RFX4: variants seen among roughly 807,000 people sequenced by gnomAD.
RFX4 encodes transcription factor RFX4.
RFX4 carries 10 observed loss-of-function variants against 95.0 expected under a neutral mutation model. The observed-to-expected ratio is 0.11, with a 90% confidence interval of 0.06 to 0.18. The LOEUF (loss-of-function observed/expected upper bound fraction) is 0.18. RFX4 is among the 10% of genes least tolerant of loss of function. The pLI is 1.00. For missense variants in RFX4, 640 were observed against 922.0 expected, an observed-to-expected ratio of 0.69 and a Z score of 3.96; for synonymous variants, 321 against 340.7, an observed-to-expected ratio of 0.94 and a Z score of 0.64.
chr12:106,621,821 G>C (rs185794546), intron 2 of RFX4, among the ~76,000 whole-genome samples: 164 of 152,030 alleles, frequency 1.1e-3, no homozygotes, highest in African/African-American at 3.9e-3. Context: ...AAGATCTTTG[G>C]AAAGATCTTG....
intron 7 of RFX4, among the ~76,000 whole-genome samples, chr12:106,694,307 G>A (rs2041838072): frequency 6.6e-6 from 1 of 152,198 alleles, no homozygotes; most frequent in Non-Finnish European, 1.5e-5. Context: ...GTCCAGGCAG[G>A]CTGTAGGCAT....
chr12:106,719,923 T>A (rs2042364842), intron 11 of RFX4, 37 bp from the exon 12 acceptor site: 1 of 1,491,130 alleles, frequency 6.7e-7, no homozygotes, highest in South Asian at 1.1e-5. Context: ...TAAATACAAC[T>A]GCAGTGATGC....
At chr12:106,745,650 C>G (rs952537930) in intron 15 of RFX4, among the ~76,000 whole-genome samples, 2 of 152,136 alleles carry the variant, frequency 1.3e-5, no homozygotes, top group South Asian at 4.1e-4. Flanking sequence ...AAATGAAAAC[C>G]TTTCCTTTAT....
intron 2 of RFX4, among the ~76,000 whole-genome samples, chr12:106,623,249 A>G (rs772576154): frequency 4.2e-5 from 6 of 143,336 alleles, no homozygotes; most frequent in East Asian, 4.4e-4. Flanking sequence ...GGTGGTCTCA[A>G]TCTGACCTCG....
At chr12:106,666,947 G>A (rs2041189006) in intron 4 of RFX4, among the ~76,000 whole-genome samples, 1 of 151,980 alleles carries the variant, frequency 6.6e-6, no homozygotes, top group Admixed American at 6.6e-5. Flanking sequence ...AGCATGCCTT[G>A]TAATTCTTTC....
At chr12:106,682,674 T>C (rs1194468789) in intron 5 of RFX4, 1 of 152,284 alleles carries the variant, frequency 6.6e-6, no homozygotes, top group Non-Finnish European at 1.5e-5. Flanking sequence ...AGAATCAGAT[T>C]GTGACAAAGT....
Position 106,761,460 on chromosome 12 carries a change from G to A in RFX4, c.2199G>A (p.Trp733Ter). 1.3e-6 allele frequency: 2 copies of A among 1,599,928 alleles called. No homozygotes were observed. Among genetic ancestry groups the A allele is most frequent in the Non-Finnish European group, 1.7e-6 (2 of 1,172,410 alleles). ...AYINGEASTG[W>*]AK ...TCAACGGAGAGGCCTCTACAGGATG[G>A]GCTAAATGACTGCTATCATAGGCAT... Residue 733 changes from tryptophan to a stop codon, truncating the protein, a stop_gained, in exon 18 of 18, where the codon TGG becomes TGA. Coordinates refer to ENST00000392842, the MANE Select transcript of RFX4 (RefSeq NM_213594.3). LOFTEE classifies it high-confidence loss of function.
At chr12:106,754,002 C>T (rs929379566) in intron 17 of RFX4, among the ~76,000 whole-genome samples, 3 of 152,168 alleles carry the variant, frequency 2.0e-5, no homozygotes, top group Non-Finnish European at 4.4e-5. Context: ...GCAGGACTGA[C>T]GCTAGCATGG....
intron 1 of RFX4, chr12:106,601,360 C>T (rs2039705328): frequency 6.4e-7 from 1 of 1,570,754 alleles, no homozygotes; most frequent in Non-Finnish European, 8.6e-7. Context: ...ATGACCAGGG[C>T]CCAGGGACAG....
intron 2 of RFX4, among the ~76,000 whole-genome samples, chr12:106,631,218 C>T (rs186402428): frequency 6.6e-6 from 1 of 152,332 alleles, no homozygotes; most frequent in East Asian, 1.9e-4. Context: ...TAAACATTCC[C>T]CGATGGTACT....
chr12:106,725,306 G>A (rs552914651), intron 13 of RFX4, among the ~76,000 whole-genome samples: 2 of 152,238 alleles, frequency 1.3e-5, no homozygotes, highest in Non-Finnish European at 2.9e-5. Flanking sequence ...TCAAGGAGGC[G>A]CACAGACCCC....
intron 17 of RFX4, among the ~76,000 whole-genome samples, chr12:106,752,510 T>G (rs1399091973): frequency 6.6e-6 from 1 of 152,168 alleles, no homozygotes. Flanking sequence ...TGGCTGCATG[T>G]CTGCTGCCCT....
At chr12:106,746,153 C>T (rs1282388406) in intron 15 of RFX4, among the ~76,000 whole-genome samples, 2 of 151,974 alleles carry the variant, frequency 1.3e-5, no homozygotes, top group East Asian at 1.9e-4. Context: ...GTTAGGAGTT[C>T]GAGACCAGCC....
chr12:106,660,636 A>G (rs1016397153), intron 4 of RFX4, among the ~76,000 whole-genome samples: 6 of 152,118 alleles, frequency 3.9e-5, no homozygotes, highest in Non-Finnish European at 8.8e-5. Context: ...AGCATTTGTA[A>G]GCTGCATTTC....
intron 5 of RFX4, chr12:106,682,732 AG>A (rs1436005701): frequency 6.6e-6 from 1 of 152,406 alleles, no homozygotes; most frequent in African/African-American, 2.4e-5. Flanking sequence ...GGTCTTTCAG[AG>A]GAGGTTACAT....
At chr12:106,632,295 T>C (rs1308319849) in intron 2 of RFX4, among the ~76,000 whole-genome samples, 1 of 151,782 alleles carries the variant, frequency 6.6e-6, no homozygotes, top group Non-Finnish European at 1.5e-5. Flanking sequence ...GTTTTTTTTT[T>C]AAAGCAGACC....
At chr12:106,697,067 G>C (rs984937036) in intron 8 of RFX4, among the ~76,000 whole-genome samples, 5 of 152,162 alleles carry the variant, frequency 3.3e-5, no homozygotes, top group Non-Finnish European at 5.9e-5. Flanking sequence ...CCCTTCCTGT[G>C]AGATTGTGTT....
At chr12:106,687,180 TCTCACACACA>T (rs879806417) in intron 6 of RFX4, 83 bp downstream of exon 6, 1,385 of 680,468 alleles carry the variant, frequency 2.0e-3, no homozygotes, top group African/African-American at 3.4e-3. Context: ...TCTCTCTCTC[TCTCACACACA>T]CACACACACA....
chr12:106,639,226 C>T (rs759556882), intron 2 of RFX4, 106 bp from the exon 3 acceptor site: 6 of 896,496 alleles, frequency 6.7e-6, no homozygotes, highest in Admixed American at 2.7e-5. Flanking sequence ...AAAGCATCAA[C>T]ATTTCAAAGA....
Sources: allele counts gnomAD v4.1 joint callset (sites outside exome capture counted in the v4.1 genomes callset), GRCh38; gene constraint gnomAD v4.1.1; transcripts MANE v1.5; gene names NCBI Gene and HGNC (gene_info 2026-07-23, HGNC 2026-07-21).